The following BCL2 variants were observed in gnomAD, a reference collection of about 807,000 sequenced individuals.
BCL2 encodes BCL2 apoptosis regulator.
A neutral mutation model predicts 14.2 loss-of-function variants in BCL2; 1 was observed. The ratio of observed to expected loss-of-function variants is 0.07; its 90% CI spans 0.02 to 0.33. BCL2 has a LOEUF of 0.33. Among genes scored for constraint, BCL2 ranks in the 10% least tolerant of loss-of-function variants. The probability of loss-of-function intolerance (pLI) is 0.99; values close to 1 mark genes in which losing one functional copy is unlikely to be tolerated. For missense variants in BCL2, 247 were observed against 305.9 expected, an observed-to-expected ratio of 0.81 and a Z score of 1.44; for synonymous variants, 151 against 137.2, an observed-to-expected ratio of 1.10 and a Z score of -0.70.
At chr18:63,147,307 C>G (rs1385956913) in intron 2 of BCL2, among the ~76,000 whole-genome samples, 1 of 152,154 alleles carries the variant, frequency 6.6e-6, no homozygotes, top group Non-Finnish European at 1.5e-5. Context: ...CTTTTAGATT[C>G]TGGGACTCCG....
intron 2 of BCL2, chr18:63,314,026 A>T (rs1876964829): frequency 6.6e-6 from 1 of 152,202 alleles, no homozygotes; most frequent in African/African-American, 2.4e-5. Context: ...AAGAGAATTC[A>T]GTTAACTATA....
intron 2 of BCL2, among the ~76,000 whole-genome samples, chr18:63,255,204 C>T (rs995823202): frequency 1.3e-5 from 2 of 152,154 alleles, no homozygotes; most frequent in Admixed American, 6.5e-5. Flanking sequence ...CACTTGTCAC[C>T]TTCTCTAGTT....
At chr18:63,272,334 A>G (rs1482272387) in intron 2 of BCL2, among the ~76,000 whole-genome samples, 1 of 152,230 alleles carries the variant, frequency 6.6e-6, no homozygotes, top group Non-Finnish European at 1.5e-5. Context: ...TGGCCATTAC[A>G]GGAGGTATGT....
intron 2 of BCL2, among the ~76,000 whole-genome samples, chr18:63,291,455 A>G (rs1271459197): frequency 1.3e-5 from 2 of 152,226 alleles, no homozygotes; most frequent in Non-Finnish European, 2.9e-5. Flanking sequence ...ACCTTCAGAT[A>G]TGCCTGATGC....
intron 2 of BCL2, among the ~76,000 whole-genome samples, chr18:63,137,330 A>T (rs1360109559): frequency 6.6e-6 from 1 of 152,288 alleles, no homozygotes; most frequent in African/African-American, 2.4e-5. Flanking sequence ...TGCCTTCCCC[A>T]TTCAACTATT....
chr18:63,151,488 G>A (rs1263363547), intron 2 of BCL2, among the ~76,000 whole-genome samples: 2 of 142,668 alleles, frequency 1.4e-5, no homozygotes, highest in Non-Finnish European at 3.1e-5. Context: ...GATAATAGAT[G>A]GGGGGCGATA....
intron 2 of BCL2, among the ~76,000 whole-genome samples, chr18:63,216,752 T>G (rs1053342791): frequency 4.6e-5 from 7 of 152,236 alleles, no homozygotes; most frequent in Non-Finnish European, 8.8e-5. Context: ...CTGAAAGCAC[T>G]GCCTCAAAGA....
intron 2 of BCL2, among the ~76,000 whole-genome samples, chr18:63,193,347 T>C (rs1479685936): frequency 6.6e-6 from 1 of 151,872 alleles, no homozygotes; most frequent in Admixed American, 6.6e-5. Flanking sequence ...TAACATGAGA[T>C]TTGCTTATTC....
chr18:63,237,091 G>T (rs1015290658), intron 2 of BCL2, among the ~76,000 whole-genome samples: 1 of 152,128 alleles, frequency 6.6e-6, no homozygotes, highest in Non-Finnish European at 1.5e-5. Flanking sequence ...ACAGTTCCTG[G>T]TGGCGGCTGG....
At chr18:63,129,237 T>C (rs1360366074) in intron 2 of BCL2, among the ~76,000 whole-genome samples, 6 of 152,118 alleles carry the variant, frequency 3.9e-5, no homozygotes, top group African/African-American at 1.4e-4. Context: ...AGTGTTGACA[T>C]CTTATCAAAT....
At chr18:63,150,690 A>T (rs1914631819) in intron 2 of BCL2, among the ~76,000 whole-genome samples, 1 of 152,198 alleles carries the variant, frequency 6.6e-6, no homozygotes, top group Admixed American at 6.5e-5. Flanking sequence ...CTGATATTCC[A>T]GCAGTCTCCA....
chr18:63,302,767 C>G, intron 2 of BCL2: 2 of 985,338 alleles, frequency 2.0e-6, no homozygotes, highest in Non-Finnish European at 2.4e-6. Flanking sequence ...GTCAGAATTT[C>G]GCGTTTAAGT....
intron 2 of BCL2, among the ~76,000 whole-genome samples, chr18:63,283,726 A>C (rs1051200486): frequency 3.9e-5 from 6 of 152,060 alleles, no homozygotes; most frequent in African/African-American, 1.4e-4. Flanking sequence ...TGGTTAAATC[A>C]CTTTTCCAGC....
chr18:63,140,465 A>C (rs1914325546), intron 2 of BCL2, among the ~76,000 whole-genome samples: 1 of 152,246 alleles, frequency 6.6e-6, no homozygotes, highest in African/African-American at 2.4e-5. Flanking sequence ...CAACTCAGCC[A>C]AAAAAAGGAG....
At chr18:63,256,935 C>T (rs563745889) in intron 2 of BCL2, among the ~76,000 whole-genome samples, 1 of 152,266 alleles carries the variant, frequency 6.6e-6, no homozygotes, top group African/African-American at 2.4e-5. Context: ...TTTCACCAGT[C>T]TATGCCAAAT....
At chr18:63,264,916 T>C (rs1911777116) in intron 2 of BCL2, among the ~76,000 whole-genome samples, 1 of 326 alleles carries the variant, frequency 3.1e-3, no homozygotes, top group Non-Finnish European at 6.5e-3. Flanking sequence ...GAGGCCTCTG[T>C]GGCAAGGGGC....
chr18:63,212,672 C>T (rs1171768148), intron 2 of BCL2, among the ~76,000 whole-genome samples: 8 of 151,992 alleles, frequency 5.3e-5, no homozygotes, highest in Admixed American at 6.6e-5. Context: ...GTCAGGAGTT[C>T]GAGAGCAGCC....
chr18:63,168,142 G>A (rs1428191314), intron 2 of BCL2, among the ~76,000 whole-genome samples: 2 of 152,200 alleles, frequency 1.3e-5, no homozygotes, highest in African/African-American at 2.4e-5. Flanking sequence ...GGGGCCTATT[G>A]GAGAATGTGT....
chr18:63,153,459 A>G lies in BCL2; in HGVS notation c.586-24700T>C, dbSNP rs765102. Among the ~76,000 whole-genome samples, 519 of 152,356 alleles carry G rather than the reference A, an allele frequency of 3.4e-3. 7 individuals are homozygous for G. Among genetic ancestry groups the G allele is most frequent in the Admixed American group, 0.025 (380 of 15,302 alleles). On this transcript the variant is annotated intron_variant, in intron 2 of 2. Coordinates refer to ENST00000333681, the MANE Select transcript of BCL2 (RefSeq NM_000633.3). ...GTAGCTTACAGAAAATGCATATATG[A>G]AAGGAGTTGTGTGAAACTTTTGAAG... is the stretch of plus-strand genomic sequence containing the variant.
Sources: gnomAD v4.1 joint callset for allele counts (sites outside exome capture counted in the v4.1 genomes callset) on GRCh38, gnomAD v4.1.1 for gene constraint, MANE v1.5 for transcripts, NCBI Gene and HGNC (gene_info 2026-07-23, HGNC 2026-07-21) for gene names.